The following ASTN2 variants were observed in gnomAD, a reference collection of about 807,000 sequenced individuals.
The protein encoded by ASTN2 is astrotactin 2.
ASTN2 carries 54 observed loss-of-function variants against 139.8 expected under a neutral mutation model. The ratio of observed to expected loss-of-function variants is 0.39; its 90% CI spans 0.31 to 0.48. The LOEUF (loss-of-function observed/expected upper bound fraction) is 0.48, where lower values mean the gene tolerates loss of function less well. Ranked by LOEUF, ASTN2 falls within the 20% of genes least tolerant of loss-of-function variation. ASTN2 has a pLI of 0.95. For synonymous variants in ASTN2, 756 were observed against 719.5 expected (o/e 1.05, Z -0.81); for missense variants, 1,565 against 1,725.1 (o/e 0.91, Z 1.64).
intron 13 of ASTN2, among the ~76,000 whole-genome samples, chr9:116,749,715 G>A (rs898327311): frequency 2.0e-5 from 3 of 152,192 alleles, no homozygotes; most frequent in Non-Finnish European, 2.9e-5. Context: ...CCTGTTGGAG[G>A]TGATTGGATC....
intron 11 of ASTN2, among the ~76,000 whole-genome samples, chr9:116,848,709 C>G (rs905363531): frequency 6.6e-6 from 1 of 152,176 alleles, no homozygotes; most frequent in Non-Finnish European, 1.5e-5. Context: ...ACAATCAACA[C>G]AGAACACTTC....
chr9:116,880,463 T>C (rs1325177028), intron 10 of ASTN2, among the ~76,000 whole-genome samples: 2 of 152,128 alleles, frequency 1.3e-5, no homozygotes, highest in Non-Finnish European at 2.9e-5. Context: ...GGGGCATATG[T>C]GATGTGGTGA....
chr9:117,168,545 GA>G (rs1830719813), intron 3 of ASTN2, among the ~76,000 whole-genome samples: 1 of 152,104 alleles, frequency 6.6e-6, no homozygotes, highest in East Asian at 1.9e-4. Flanking sequence ...ATGAAAACCA[GA>G]GCCTTTATTT....
At chr9:116,946,052 C>G (rs938934631) in intron 10 of ASTN2, among the ~76,000 whole-genome samples, 1 of 152,168 alleles carries the variant, frequency 6.6e-6, no homozygotes, top group Non-Finnish European at 1.5e-5. Flanking sequence ...GCCACACTTA[C>G]AAATAATCAG....
At chr9:116,477,480 C>G (rs1040013419) in intron 20 of ASTN2, among the ~76,000 whole-genome samples, 2 of 152,046 alleles carry the variant, frequency 1.3e-5, no homozygotes, top group Non-Finnish European at 2.9e-5. Context: ...CTCCGAGACC[C>G]TTGGCCACAC....
At chr9:117,193,309 G>A (rs933950121) in intron 3 of ASTN2, among the ~76,000 whole-genome samples, 7 of 152,120 alleles carry the variant, frequency 4.6e-5, no homozygotes, top group Admixed American at 1.3e-4. Context: ...GAAAGAGGCA[G>A]TTTGGTATAA....
intron 19 of ASTN2, among the ~76,000 whole-genome samples, chr9:116,537,157 C>T (rs533087053): frequency 9.9e-5 from 15 of 152,210 alleles, no homozygotes; most frequent in Non-Finnish European, 1.5e-4. Context: ...CTCCGAGCCA[C>T]GTGCGGGATA....
intron 19 of ASTN2, among the ~76,000 whole-genome samples, chr9:116,603,775 A>G (rs1588065593): frequency 6.6e-6 from 1 of 152,280 alleles, no homozygotes; most frequent in East Asian, 1.9e-4. Context: ...GAGTGAAGAG[A>G]GAAATACAGA....
chr9:117,040,064 C>A, intron 5 of ASTN2, 99 bp from the exon 6 acceptor site: 1 of 1,333,702 alleles, frequency 7.5e-7, no homozygotes, highest in Non-Finnish European at 1.0e-6. Context: ...AGTTGGGAAT[C>A]TGAAAAAAGA....
chr9:117,047,470 T>C (rs1482154287), intron 5 of ASTN2, among the ~76,000 whole-genome samples: 5 of 152,176 alleles, frequency 3.3e-5, no homozygotes, highest in Non-Finnish European at 7.4e-5. Flanking sequence ...TTATCATCTA[T>C]AGATTTGTCC....
At chr9:116,766,150 A>C (rs1829801074) in intron 13 of ASTN2, among the ~76,000 whole-genome samples, 1 of 152,142 alleles carries the variant, frequency 6.6e-6, no homozygotes, top group South Asian at 2.1e-4. Context: ...GATAGGGCAG[A>C]CATCCTATAC....
chr9:116,572,736 C>T (rs1853571399), intron 19 of ASTN2, among the ~76,000 whole-genome samples: 1 of 152,190 alleles, frequency 6.6e-6, no homozygotes, highest in Admixed American at 6.5e-5. Context: ...CACGCTTTCC[C>T]TTGGGAATAA....
chr9:117,066,738 G>A (rs984150233), intron 5 of ASTN2, among the ~76,000 whole-genome samples: 1 of 152,126 alleles, frequency 6.6e-6, no homozygotes, highest in African/African-American at 2.4e-5. Flanking sequence ...GTTTTGATTT[G>A]CATTTCTCTG....
At chr9:117,403,977 G>A (rs1358060312) in intron 1 of ASTN2, among the ~76,000 whole-genome samples, 1 of 152,120 alleles carries the variant, frequency 6.6e-6, no homozygotes, top group African/African-American at 2.4e-5. Flanking sequence ...GAAAGAGGGG[G>A]AGGGGAAAGG....
intron 6 of ASTN2, among the ~76,000 whole-genome samples, chr9:117,029,060 C>G (rs766517411): frequency 2.1e-4 from 32 of 152,252 alleles, no homozygotes; most frequent in Non-Finnish European, 4.3e-4. Flanking sequence ...GATGTTGATT[C>G]AAAATAATTC....
chr9:116,452,958 T>A (rs1313501548), intron 20 of ASTN2, among the ~76,000 whole-genome samples: 1 of 152,154 alleles, frequency 6.6e-6, no homozygotes. Context: ...CATGGTGCCT[T>A]TAAGATTGAA....
At chr9:116,756,770 A>AAT (rs1554742277) in intron 13 of ASTN2, among the ~76,000 whole-genome samples, 5 of 148,018 alleles carry the variant, frequency 3.4e-5, no homozygotes, top group Non-Finnish European at 1.5e-5. Flanking sequence ...CTCCGAATAA[A>AAT]ACACACACAC....
At chr9:117,292,501 A>G (rs1834619204) in intron 1 of ASTN2, among the ~76,000 whole-genome samples, 1 of 152,164 alleles carries the variant, frequency 6.6e-6, no homozygotes, top group African/African-American at 2.4e-5. Context: ...AATACAAGAG[A>G]AGGGTGGTGG....
intron 3 of ASTN2, among the ~76,000 whole-genome samples, chr9:117,160,092 TG>T (rs1830514114): frequency 6.6e-6 from 1 of 152,060 alleles, no homozygotes; most frequent in African/African-American, 2.4e-5. Context: ...TACATCTTAA[TG>T]GTCAAAGTAA....
Sources: allele counts gnomAD v4.1 joint callset (sites outside exome capture counted in the v4.1 genomes callset), GRCh38; gene constraint gnomAD v4.1.1; transcripts MANE v1.5; gene names NCBI Gene and HGNC (gene_info 2026-07-23, HGNC 2026-07-21).